The following FBXL17 variants were observed in gnomAD, a reference collection of about 807,000 sequenced individuals.
FBXL17 encodes the protein F-box/LRR-repeat protein 17.
In FBXL17, 22 loss-of-function variants were observed where a neutral mutation model predicts 66.2. The observed-to-expected ratio is 0.33, with a 90% CI of 0.24 to 0.47. The LOEUF (loss-of-function observed/expected upper bound fraction) is 0.47. Among genes scored for constraint, FBXL17 ranks in the 20% least tolerant of loss-of-function variants. The pLI, the probability that FBXL17 is intolerant of heterozygous loss-of-function variation, is 1.00. For synonymous variants in FBXL17, 474 were observed against 400.5 expected, an observed-to-expected ratio of 1.18 and a Z score of -2.19; for missense variants, 878 against 948.2, an observed-to-expected ratio of 0.93 and a Z score of 0.97.
chr5:108,245,390 A>G, intron 4 of FBXL17, among the ~76,000 whole-genome samples: 1 of 152,164 alleles, frequency 6.6e-6, no homozygotes, highest in East Asian at 1.9e-4. Context: ...AAAAAAAAAC[A>G]AACACCCTGA....
intron 6 of FBXL17, among the ~76,000 whole-genome samples, chr5:108,097,213 G>A (rs1027435210): frequency 2.0e-5 from 3 of 152,184 alleles, no homozygotes; most frequent in Non-Finnish European, 4.4e-5. Flanking sequence ...GCCTTGTGAA[G>A]AATGTGCCTG....
chr5:108,145,959 C>T (rs567605323), intron 6 of FBXL17, among the ~76,000 whole-genome samples: 8 of 152,130 alleles, frequency 5.3e-5, no homozygotes, highest in African/African-American at 1.7e-4. Context: ...TGGCTCACGC[C>T]TTTAATCCCA....
intron 8 of FBXL17, 81 bp downstream of exon 8, chr5:107,880,956 A>C: frequency 6.2e-7 from 1 of 1,610,732 alleles, no homozygotes; most frequent in African/African-American, 1.3e-5. Flanking sequence ...GGGTGGAGAT[A>C]GAGAAGGAGA....
At chr5:108,190,618 A>T (rs1377331098) in intron 5 of FBXL17, among the ~76,000 whole-genome samples, 1 of 152,168 alleles carries the variant, frequency 6.6e-6, no homozygotes, top group Non-Finnish European at 1.5e-5. Context: ...TATTTTTCAC[A>T]AGATTTTGCA....
intron 1 of FBXL17, among the ~76,000 whole-genome samples, chr5:108,372,288 T>C (rs1256630688): frequency 6.6e-6 from 1 of 152,118 alleles, no homozygotes; most frequent in African/African-American, 2.4e-5. Flanking sequence ...AACATACATG[T>C]GGAACCCCAC....
intron 4 of FBXL17, among the ~76,000 whole-genome samples, chr5:108,311,530 A>C (rs1400845024): frequency 6.6e-6 from 1 of 152,076 alleles, no homozygotes; most frequent in Non-Finnish European, 1.5e-5. Flanking sequence ...ATATGCTCCA[A>C]GGAAGTCTGA....
At chr5:108,356,760 A>G (rs1479236419) in intron 3 of FBXL17, among the ~76,000 whole-genome samples, 1 of 152,084 alleles carries the variant, frequency 6.6e-6, no homozygotes, top group Non-Finnish European at 1.5e-5. Context: ...ATGTCATTAT[A>G]TATTTGTCTA....
intron 8 of FBXL17, among the ~76,000 whole-genome samples, chr5:107,876,953 G>A (rs1029281758): frequency 1.3e-5 from 2 of 152,190 alleles, no homozygotes; most frequent in Non-Finnish European, 2.9e-5. Flanking sequence ...ATAAATGTGA[G>A]TTAAGTTGAT....
intron 1 of FBXL17, among the ~76,000 whole-genome samples, chr5:108,370,573 T>C (rs1326127079): frequency 2.0e-5 from 3 of 152,008 alleles, no homozygotes; most frequent in Non-Finnish European, 4.4e-5. Flanking sequence ...TGAAATCCCA[T>C]CTCTACTAAA....
At chr5:108,023,994 G>T (rs901894120) in intron 6 of FBXL17, among the ~76,000 whole-genome samples, 62 of 152,090 alleles carry the variant, frequency 4.1e-4, no homozygotes, top group African/African-American at 1.5e-3. Flanking sequence ...GAATTAGTTT[G>T]GTCTGTAGGA....
intron 7 of FBXL17, among the ~76,000 whole-genome samples, chr5:107,928,678 T>C (rs930221940): frequency 1.3e-5 from 2 of 151,940 alleles, no homozygotes; most frequent in African/African-American, 4.8e-5. Flanking sequence ...GAGAAAGAGG[T>C]AGTGGTTTTA....
chr5:108,002,137 T>C (rs1276298098), intron 7 of FBXL17, among the ~76,000 whole-genome samples: 2 of 150,206 alleles, frequency 1.3e-5, no homozygotes, highest in Non-Finnish European at 2.9e-5. Context: ...TCCCTCAGCC[T>C]CCTGAGTAGC....
intron 3 of FBXL17, among the ~76,000 whole-genome samples, chr5:108,362,177 A>T (rs1262069492): frequency 1.3e-5 from 2 of 152,072 alleles, no homozygotes; most frequent in African/African-American, 4.8e-5. Context: ...ATTTTTAAAG[A>T]CCTAAAAATT....
At chr5:108,257,670 T>C (rs943204065) in intron 4 of FBXL17, among the ~76,000 whole-genome samples, 1 of 152,130 alleles carries the variant, frequency 6.6e-6, no homozygotes, top group Non-Finnish European at 1.5e-5. Flanking sequence ...GGTTCACAGA[T>C]ACTAAAGTGG....
intron 3 of FBXL17, among the ~76,000 whole-genome samples, chr5:108,355,274 T>G (rs1227542247): frequency 7.1e-6 from 1 of 140,772 alleles, no homozygotes. Context: ...ATTTATTTAT[T>G]TATTTATTTA....
chr5:108,107,730 T>A (rs556257529), intron 6 of FBXL17, among the ~76,000 whole-genome samples: 1 of 147,662 alleles, frequency 6.8e-6, no homozygotes, highest in African/African-American at 2.5e-5. Flanking sequence ...GAGAATGGCA[T>A]GAACCCGGGA....
rs182619094 is a variant in FBXL17 at position 108,186,093 on chromosome 5, T to A, written c.1745+24A>T. 2.3e-5 allele frequency: 36 copies of A among 1,582,652 alleles called. No homozygotes were observed. The East Asian group carries it at 4.3e-4, about 19-fold the overall frequency. ...CTAAATGTTTTCCTCTAGAAAAGTA[T>A]TTTTAACATGTTACAATGGTTACCT... On this transcript the variant is annotated intron_variant, in intron 6 of 8. Transcript: ENST00000542267.
intron 5 of FBXL17, among the ~76,000 whole-genome samples, chr5:108,206,982 C>T (rs1383813111): frequency 6.6e-6 from 1 of 152,122 alleles, no homozygotes; most frequent in Non-Finnish European, 1.5e-5. Context: ...TTTACATTCT[C>T]ACAATGTGTA....
chr5:108,017,056 G>C (rs530037502), intron 7 of FBXL17, among the ~76,000 whole-genome samples: 2 of 152,236 alleles, frequency 1.3e-5, no homozygotes, highest in Admixed American at 1.3e-4. Flanking sequence ...TGGGATTACA[G>C]GGATGAGCCA....
Sources: allele counts gnomAD v4.1 joint callset (sites outside exome capture counted in the v4.1 genomes callset), GRCh38; gene constraint gnomAD v4.1.1; transcripts MANE v1.5; gene names NCBI Gene and HGNC (gene_info 2026-07-23, HGNC 2026-07-21).